FAM184A: variants seen among roughly 807,000 people sequenced by gnomAD.
FAM184A encodes protein FAM184A.
A neutral mutation model predicts 143.8 loss-of-function variants in FAM184A; 99 were observed. The ratio of observed to expected loss-of-function variants is 0.69; its 90% confidence interval spans 0.58 to 0.81. The LOEUF (loss-of-function observed/expected upper bound fraction) is 0.81, where lower values mean the gene tolerates loss of function less well. Among genes scored for constraint, FAM184A ranks in the 40% least tolerant of loss-of-function variants. The pLI is 0.00. For missense variants in FAM184A, 1,217 were observed against 1,310.5 expected (o/e 0.93, Z 1.10); for synonymous variants, 427 against 446.4 (o/e 0.96, Z 0.55).
At chr6:119,066,056 G>A (rs182887781) in intron 1 of FAM184A, among the ~76,000 whole-genome samples, 1 of 152,170 alleles carries the variant, frequency 6.6e-6, no homozygotes, top group Admixed American at 6.5e-5. Flanking sequence ...TACAGGGAAG[G>A]AAGAGAGGAC....
intron 1 of FAM184A, among the ~76,000 whole-genome samples, chr6:119,102,784 C>CAAAAAAAAAAAAAAAAAA (rs58686018): frequency 2.3e-4 from 7 of 30,100 alleles, no homozygotes; most frequent in African/African-American, 3.7e-4. Context: ...GACTCCATCT[C>CAAAAAAAAAAAAAAAAAA]AAAAAAAAAA....
chr6:119,104,905 AG>A (rs1238428407), intron 1 of FAM184A, among the ~76,000 whole-genome samples: 6 of 95,122 alleles, frequency 6.3e-5, no homozygotes, highest in Admixed American at 2.0e-4. Context: ...TGAAAATAGC[AG>A]TTGATTTCTG....
chr6:119,034,394 A>T (rs995126882), intron 1 of FAM184A, among the ~76,000 whole-genome samples: 3 of 151,924 alleles, frequency 2.0e-5, no homozygotes, highest in Non-Finnish European at 2.9e-5. Flanking sequence ...TAGCATTATT[A>T]TTCCCAGGAA....
chr6:119,067,486 G>A (rs1277860939), intron 1 of FAM184A, among the ~76,000 whole-genome samples: 3 of 152,170 alleles, frequency 2.0e-5, no homozygotes, highest in Non-Finnish European at 4.4e-5. Context: ...AAATTTACAT[G>A]TAACCCCAAA....
rs541678210 is a variant in FAM184A, at chr6:118,968,456, A to C, written c.2916-1504T>G. On this transcript the variant is annotated intron_variant, in intron 14 of 17. Coordinates refer to ENST00000338891, the MANE Select transcript of FAM184A (RefSeq NM_024581.6). The stretch of plus-strand genomic sequence containing the variant: ...TTGTGACAATAGAGACCAAGTGAAA[A>C]ATAATGTGATTTGTTAACTCAAATA... 3.9e-5 allele frequency among the ~76,000 whole-genome samples: 6 copies of C among 152,318 alleles called. No homozygotes were observed. In the East Asian group the frequency reaches 5.8e-4, roughly 15 times the overall value.
intron 1 of FAM184A, among the ~76,000 whole-genome samples, chr6:119,073,279 C>T (rs1787758115): frequency 6.6e-6 from 1 of 152,154 alleles, no homozygotes; most frequent in South Asian, 2.1e-4. Flanking sequence ...AAATAAACTA[C>T]TTCCTGCTGT....
Position 119,024,198 on chromosome 6 carries a change from A to G in FAM184A, c.775T>C (p.Tyr259His). The G allele has an allele frequency of 6.2e-7, 1 of 1,614,214 alleles. No homozygotes were observed. Among genetic ancestry groups the G allele is most frequent in the Non-Finnish European group, 8.5e-7 (1 of 1,180,052 alleles). The change falls in exon 2 of 18, where the codon TAT becomes CAT. Residue 259 changes from tyrosine (Y) to histidine (H), a missense_variant. By Grantham distance (83) the Tyr-to-His change is moderately conservative. Transcript: ENST00000338891. ...EGKLNKAQSFYERELDTLKRS... is the reference protein window; with the variant it reads ...EGKLNKAQSFHERELDTLKRS... ...TTCAAAGTATCAAGCTCACGTTCAT[A>G]AAAGGACTGAGCTTTATTCAACTTG... is the stretch of plus-strand genomic sequence containing the variant.
Position 118,976,952 on chromosome 6 carries a change from A to G in FAM184A, c.2456-908T>C, listed in dbSNP as rs182544463. The stretch of plus-strand genomic sequence containing the variant: ...ATTTATATGATGCTAGTAGGGATGG[A>G]AAATGGTACAATCACTCTAGAAAAT... On this transcript the variant is annotated intron_variant, in intron 11 of 17. Transcript: ENST00000338891. Among the ~76,000 whole-genome samples, 632 of 152,312 alleles carry G rather than the reference A, an allele frequency of 4.1e-3. 1 individual carries two copies. The highest frequency in any genetic ancestry group is 7.5e-3 in the Non-Finnish European group (511 of 68,026).
intron 1 of FAM184A, among the ~76,000 whole-genome samples, 177 bp downstream of exon 1, chr6:119,077,964 T>C (rs556985868): frequency 2.1e-4 from 32 of 152,384 alleles, no homozygotes; most frequent in African/African-American, 6.2e-4. Flanking sequence ...CTTAAATTCA[T>C]GTTGCCAGCG....
intron 1 of FAM184A, among the ~76,000 whole-genome samples, chr6:119,141,162 C>T (rs764778113): frequency 7.9e-5 from 12 of 152,258 alleles, no homozygotes; most frequent in Admixed American, 5.9e-4. Flanking sequence ...TTAAAACTAA[C>T]TAGACCCAGA....
In FAM184A at chr6:119,078,366, G is replaced by T; in HGVS notation, c.-67C>A. The T allele has an allele frequency of 2.2e-6, 3 of 1,346,856 alleles. No homozygotes were observed. The highest frequency in any genetic ancestry group is 2.9e-6 in the Non-Finnish European group (3 of 1,048,074). 83.4% of individuals were successfully genotyped at this position (1,346,856 alleles called of 1,614,324 possible). A position where few individuals can be genotyped will look rare whatever the true frequency, so the allele number is the denominator to read the frequency against. Reference sequence around the variant, plus strand: ...GGAGGCAGGCCCGTGGAGCAACGACGCCCGGGAGGCAAGAGTCGCGGCGGC... The same window carrying T: ...GGAGGCAGGCCCGTGGAGCAACGACTCCCGGGAGGCAAGAGTCGCGGCGGC... On this transcript the variant is annotated 5_prime_UTR_variant, in exon 1 of 18. Transcript: ENST00000338891. This position sits in a 1 kb window ranked among gnomAD's most constrained non-coding sequence, Gnocchi z 5.5.
At chr6:118,962,517 A>C (rs1783365249) in intron 16 of FAM184A, 1 of 153,350 alleles carries the variant, frequency 6.5e-6, no homozygotes. Context: ...AGCTGACTTA[A>C]GAGAAATAAT....
intron 1 of FAM184A, among the ~76,000 whole-genome samples, chr6:119,038,135 G>T: frequency 6.6e-6 from 1 of 152,086 alleles, no homozygotes; most frequent in East Asian, 1.9e-4. Flanking sequence ...TTTGCAAAGG[G>T]CAGTTAAACC....
At chr6:118,991,255 T>C (rs1784369210) in intron 9 of FAM184A, among the ~76,000 whole-genome samples, 1 of 151,780 alleles carries the variant, frequency 6.6e-6, no homozygotes, top group Non-Finnish European at 1.5e-5. Flanking sequence ...CTCTGCCCCT[T>C]GGATTGAAGC....
At position 118,974,409 on chromosome 6, in the gene FAM184A, C is replaced by T. The variant is rs1178199501; in HGVS notation, c.2915+19G>A. 3.1e-6 allele frequency: 5 copies of T among 1,593,258 alleles called. No homozygotes were observed. The highest frequency in any genetic ancestry group is 2.2e-5 in the East Asian group (1 of 44,476). Reference sequence around the variant, plus strand: ...AATTTATTATCCACATATGAATTTTCTTATATAATATGACTTACGACACTT... The same window carrying T: ...AATTTATTATCCACATATGAATTTTTTTATATAATATGACTTACGACACTT... On this transcript the variant is annotated intron_variant, in intron 14 of 17. Coordinates refer to ENST00000338891, the MANE Select transcript of FAM184A (RefSeq NM_024581.6).
At chr6:118,961,363 A>G in intron 17 of FAM184A, among the ~76,000 whole-genome samples, 1 of 150,626 alleles carries the variant, frequency 6.6e-6, no homozygotes, top group East Asian at 1.9e-4. Context: ...TTGGTAAACA[A>G]GAAAGGGAAA....
At chr6:118,960,292 G>T in intron 17 of FAM184A, 108 bp from the exon 18 acceptor site, 1 of 817,458 alleles carries the variant, frequency 1.2e-6, no homozygotes, top group Non-Finnish European at 1.9e-6. Flanking sequence ...GGTTCCCCAT[G>T]TTGTAAGTCG....
At chr6:119,138,082 C>G (rs1301537543) in intron 1 of FAM184A, among the ~76,000 whole-genome samples, 1 of 152,144 alleles carries the variant, frequency 6.6e-6, no homozygotes. Flanking sequence ...TGCTGTCTTT[C>G]AAGTTTTGTG....
At chr6:119,082,766 A>G (rs1788108809), upstream of FAM184A, among the ~76,000 whole-genome samples, 1 of 152,152 alleles carries the variant, frequency 6.6e-6, no homozygotes, top group Non-Finnish European at 1.5e-5. Flanking sequence ...GCCAGTGTTG[A>G]GCGCCTGTGG....
Sources: gnomAD v4.1 joint callset for allele counts (sites outside exome capture counted in the v4.1 genomes callset) on GRCh38, gnomAD v4.1.1 for gene constraint, Gnocchi (gnomAD v3.1) non-coding constraint, MANE v1.5 for transcripts, NCBI Gene and HGNC (gene_info 2026-07-23, HGNC 2026-07-21) for gene names.